The following TENM4 variants were observed in gnomAD, a reference collection of about 807,000 sequenced individuals.
TENM4 encodes the protein teneurin transmembrane protein 4, also known as teneurin-4.
A neutral mutation model predicts 243.3 loss-of-function variants in TENM4; 82 were observed. That is an observed-to-expected ratio of 0.34 (90% CI 0.28 to 0.40). The LOEUF (loss-of-function observed/expected upper bound fraction) is 0.40. Among genes scored for constraint, TENM4 ranks in the 10% least tolerant of loss-of-function variants. The pLI, the probability that TENM4 is intolerant of heterozygous loss-of-function variation, is 1.00. For synonymous variants in TENM4, 1,412 were observed against 1,456.3 expected (o/e 0.97, Z 0.69); for missense variants, 3,138 against 3,673.3 (o/e 0.85, Z 3.77).
chr11:78,904,377 T>TAAAAAAAAAAAAAAAAAAAAAAAAA (rs1333665292), intron 6 of TENM4, among the ~76,000 whole-genome samples: 2 of 100,186 alleles, frequency 2.0e-5, no homozygotes, highest in Admixed American at 8.9e-5. Context: ...AAAAAAAAAG[T>TAAAAAAAAAAAAAAAAAAAAAAAAA]AAAACATAGA....
At chr11:78,723,040 C>T in intron 23 of TENM4, 123 bp from the exon 24 acceptor site, 1 of 1,394,064 alleles carries the variant, frequency 7.2e-7, no homozygotes, top group South Asian at 1.4e-5. Context: ...TTTCCAGGAT[C>T]ATAGCCCAAG....
intron 33 of TENM4, among the ~76,000 whole-genome samples, 197 bp downstream of exon 33, chr11:78,661,251 CT>C (rs1565318915): frequency 6.6e-6 from 1 of 152,182 alleles, no homozygotes; most frequent in African/African-American, 2.4e-5. Context: ...TTGTAAGCGT[CT>C]GTGTGTGGTC....
Position 78,731,845 on chromosome 11 carries a change from T to C in TENM4, c.3138+471A>G, listed in dbSNP as rs143778697. Among the ~76,000 whole-genome samples the C allele has an allele frequency of 2.5e-3, 388 of 152,356 alleles. 1 individual carries two copies. The highest frequency in any genetic ancestry group is 8.8e-3 in the African/African-American group (368 of 41,582). On this transcript the variant is annotated intron_variant, in intron 21 of 33. Coordinates refer to ENST00000278550, the MANE Select transcript of TENM4 (RefSeq NM_001098816.3). Reference sequence around the variant, plus strand: ...TAATAGCTAAAATTTATTGAGTACTTATTAGGTGACAGACATTGTGCTAAG... The same window carrying C: ...TAATAGCTAAAATTTATTGAGTACTCATTAGGTGACAGACATTGTGCTAAG...
intron 6 of TENM4, among the ~76,000 whole-genome samples, chr11:78,974,487 G>C (rs1021299250): frequency 6.6e-6 from 1 of 152,094 alleles, no homozygotes; most frequent in African/African-American, 2.4e-5. Context: ...AGTAAGATCT[G>C]GATTTAAAAC....
At chr11:79,337,734 G>A (rs1160546996) in intron 1 of TENM4, among the ~76,000 whole-genome samples, 1 of 152,198 alleles carries the variant, frequency 6.6e-6, no homozygotes, top group African/African-American at 2.4e-5. Flanking sequence ...TGCTACATTG[G>A]AGTTCTCACC....
intron 4 of TENM4, among the ~76,000 whole-genome samples, chr11:79,104,759 T>C (rs1861321977): frequency 6.6e-6 from 1 of 152,228 alleles, no homozygotes; most frequent in South Asian, 2.1e-4. Flanking sequence ...TTACTAGGCT[T>C]TGGCTAAGTA....
At chr11:78,668,882 T>C in intron 32 of TENM4, 55 bp downstream of exon 32, 2 of 1,541,734 alleles carry the variant, frequency 1.3e-6, no homozygotes, top group East Asian at 4.6e-5. Context: ...TAAGTATTGT[T>C]AGGTAGTAAG....
rs1857873431 is a variant in TENM4, at chr11:78,655,702, G to T, written c.*2356C>A. ...ACCTCTGAGCAGACATCCCCAGCAGGTCTTCACTGATGTCAGGCAGCCAGG... is the reference window on the plus strand; with the variant it reads ...ACCTCTGAGCAGACATCCCCAGCAGTTCTTCACTGATGTCAGGCAGCCAGG... On this transcript the variant is annotated 3_prime_UTR_variant, in exon 34 of 34. Coordinates refer to ENST00000278550, the MANE Select transcript of TENM4 (RefSeq NM_001098816.3). 6.6e-6 allele frequency: 1 copy of T among 152,288 alleles called. No individual in the cohort carries two copies. Among genetic ancestry groups the T allele is most frequent in the South Asian group, 2.1e-4 (1 of 4,828 alleles). 9.4% of individuals were successfully genotyped at this position (152,288 alleles called of 1,614,324 possible).
At chr11:79,358,622 C>T (rs1475489397) in intron 1 of TENM4, among the ~76,000 whole-genome samples, 1 of 151,700 alleles carries the variant, frequency 6.6e-6, no homozygotes, top group African/African-American at 2.4e-5. Context: ...TCCCTTCCTG[C>T]CTGCCTGCCT....
chr11:79,290,389 G>T (rs1311808112), intron 2 of TENM4, among the ~76,000 whole-genome samples: 1 of 152,186 alleles, frequency 6.6e-6, no homozygotes, highest in African/African-American at 2.4e-5. Context: ...GGAAGAGAAA[G>T]GCTAAATGAT....
intron 1 of TENM4, among the ~76,000 whole-genome samples, chr11:79,316,745 T>C (rs1334506480): frequency 6.6e-6 from 1 of 152,162 alleles, no homozygotes; most frequent in African/African-American, 2.4e-5. Flanking sequence ...CTGTGGATTA[T>C]AGTCAATAGC....
chr11:79,341,999 A>G (rs1857249751), intron 1 of TENM4, among the ~76,000 whole-genome samples: 2 of 152,210 alleles, frequency 1.3e-5, no homozygotes, highest in South Asian at 4.1e-4. Context: ...GAATGTGCAC[A>G]CAGAAGCATT....
intron 28 of TENM4, among the ~76,000 whole-genome samples, chr11:78,700,945 A>C (rs1859087541): frequency 6.6e-6 from 1 of 152,176 alleles, no homozygotes; most frequent in Non-Finnish European, 1.5e-5. Flanking sequence ...GTTCCTTATT[A>C]ATGACCCTGA....
At chr11:79,415,603 C>T (rs1320059343) in intron 1 of TENM4, among the ~76,000 whole-genome samples, 1 of 152,166 alleles carries the variant, frequency 6.6e-6, no homozygotes, top group East Asian at 1.9e-4. Flanking sequence ...ACAGTGAGTG[C>T]TGGGGCTGGG....
intron 4 of TENM4, among the ~76,000 whole-genome samples, chr11:79,146,861 G>A (rs554236970): frequency 1.3e-5 from 2 of 152,208 alleles, no homozygotes; most frequent in African/African-American, 4.8e-5. Flanking sequence ...GAGCTAGGCT[G>A]ACTGACACCA....
At chr11:79,047,440 C>T (rs906168307) in intron 6 of TENM4, among the ~76,000 whole-genome samples, 1 of 152,204 alleles carries the variant, frequency 6.6e-6, no homozygotes, top group Non-Finnish European at 1.5e-5. Flanking sequence ...ACATCAAGCT[C>T]ACTCGTGCTC....
At chr11:79,000,838 C>T (rs1858303959) in intron 6 of TENM4, among the ~76,000 whole-genome samples, 1 of 152,146 alleles carries the variant, frequency 6.6e-6, no homozygotes, top group African/African-American at 2.4e-5. Context: ...CTAGACCAGC[C>T]TGGCCAACAT....
intron 18 of TENM4, among the ~76,000 whole-genome samples, chr11:78,767,025 A>C (rs1376049841): frequency 6.6e-6 from 1 of 152,166 alleles, no homozygotes; most frequent in Non-Finnish European, 1.5e-5. Flanking sequence ...ATTCTTTATG[A>C]AACTTGAAAT....
At chr11:78,774,735 T>G (rs951813035) in intron 17 of TENM4, among the ~76,000 whole-genome samples, 3 of 152,186 alleles carry the variant, frequency 2.0e-5, no homozygotes, top group African/African-American at 7.2e-5. Flanking sequence ...AGGATTTGGA[T>G]GAGATGATCC....
Sources: allele counts gnomAD v4.1 joint callset (sites outside exome capture counted in the v4.1 genomes callset), GRCh38; gene constraint gnomAD v4.1.1; transcripts MANE v1.5; gene names NCBI Gene and HGNC (gene_info 2026-07-23, HGNC 2026-07-21).